RBFOX1: variants seen among roughly 807,000 people sequenced by gnomAD.
RBFOX1 encodes the protein RNA binding fox-1 homolog 1, also known as RNA binding protein fox-1 homolog 1.
In RBFOX1, 8 loss-of-function variants were observed where a neutral mutation model predicts 57.7. The observed-to-expected ratio is 0.14, with a 90% CI of 0.08 to 0.25. The LOEUF (loss-of-function observed/expected upper bound fraction) is 0.25, where lower values mean the gene tolerates loss of function less well. RBFOX1 is among the 10% of genes least tolerant of loss of function. The pLI is 1.00. For missense variants in RBFOX1, 611 were observed against 548.5 expected, an observed-to-expected ratio of 1.11 and a Z score of -1.14; for synonymous variants, 326 against 222.4, an observed-to-expected ratio of 1.47 and a Z score of -4.15.
At position 6,514,074 on chromosome 16, in the gene RBFOX1, A is replaced by G. The variant is rs1214199824; in HGVS notation, c.-63-140529A>G. Among the ~76,000 whole-genome samples the G allele has an allele frequency of 2.0e-5, 3 of 152,194 alleles. No homozygotes were observed. In the East Asian group the frequency reaches 5.8e-4, roughly 29 times the overall value. ...TGTGTTGCTCTGTAAGTCCGTAGCC[A>G]TTGGTCGTCAAGAATGAGCTTCCCT... On this transcript the variant is annotated intron_variant, in intron 2 of 15. Transcript: ENST00000550418.
At chr16:5,754,499 C>T (rs1490728986) in intron 3 of RBFOX1, among the ~76,000 whole-genome samples, 1 of 143,178 alleles carries the variant, frequency 7.0e-6, no homozygotes, top group Non-Finnish European at 1.5e-5. Flanking sequence ...AATAAGGGGA[C>T]CCGGGGAACC....
At chr16:6,041,605 G>T (rs372359531) in intron 1 of RBFOX1, among the ~76,000 whole-genome samples, 1 of 152,112 alleles carries the variant, frequency 6.6e-6, no homozygotes. Context: ...AAGTGGCAGA[G>T]CCAGGATGCA....
intron 3 of RBFOX1, chr16:6,773,998 G>T: frequency 4.1e-6 from 4 of 985,278 alleles, no homozygotes; most frequent in Non-Finnish European, 4.8e-6. Context: ...CCTGTAATTA[G>T]CTCCTCAGAG....
At chr16:6,508,448 C>T (rs1486295204) in intron 2 of RBFOX1, among the ~76,000 whole-genome samples, 1 of 151,882 alleles carries the variant, frequency 6.6e-6, no homozygotes, top group African/African-American at 2.4e-5. Flanking sequence ...GTTTTTTAAC[C>T]ACAGTAAAAA....
At chr16:7,594,511 T>G (rs889547400) in intron 7 of RBFOX1, among the ~76,000 whole-genome samples, 2 of 152,210 alleles carry the variant, frequency 1.3e-5, no homozygotes, top group African/African-American at 4.8e-5. Flanking sequence ...TGTGTCGTAT[T>G]TTCTGTACTT....
At chr16:5,547,531 A>G (rs1270396873) in intron 2 of RBFOX1, among the ~76,000 whole-genome samples, 2 of 152,198 alleles carry the variant, frequency 1.3e-5, no homozygotes, top group Non-Finnish European at 2.9e-5. Context: ...ATATAAGCCT[A>G]TTTATATGAA....
chr16:6,316,909 T>G (rs1417836999), intron 1 of RBFOX1, 86 bp from the exon 2 acceptor site: 3 of 1,058,080 alleles, frequency 2.8e-6, no homozygotes, highest in Non-Finnish European at 4.1e-6. Flanking sequence ...TGAAGGTTGG[T>G]CCATATTACT....
intron 1 of RBFOX1, among the ~76,000 whole-genome samples, chr16:6,109,435 C>G (rs1344104763): frequency 6.6e-6 from 1 of 152,152 alleles, no homozygotes; most frequent in Non-Finnish European, 1.5e-5. Context: ...AAAAGCCTTT[C>G]TTATCACCCC....
chr16:7,402,986 A>G (rs1349003574), intron 4 of RBFOX1, among the ~76,000 whole-genome samples: 1 of 152,162 alleles, frequency 6.6e-6, no homozygotes, highest in Non-Finnish European at 1.5e-5. Context: ...TCTGATCTTG[A>G]AGGAGGAGGT....
chr16:6,183,071 G>A (rs969934087), intron 1 of RBFOX1, among the ~76,000 whole-genome samples: 25 of 152,092 alleles, frequency 1.6e-4, no homozygotes, highest in African/African-American at 5.6e-4. Context: ...TAAATATATA[G>A]CATGAAGAAA....
chr16:5,314,913 A>T (rs2064193176), intron 1 of RBFOX1, among the ~76,000 whole-genome samples: 1 of 152,208 alleles, frequency 6.6e-6, no homozygotes, highest in African/African-American at 2.4e-5. Flanking sequence ...CAGACAAAAA[A>T]TACCGTTTTG....
At chr16:7,458,759 C>G (rs1356559946) in intron 4 of RBFOX1, among the ~76,000 whole-genome samples, 2 of 152,174 alleles carry the variant, frequency 1.3e-5, no homozygotes, top group East Asian at 3.9e-4. Context: ...ACCTCCTTGA[C>G]TCCTCCATTA....
intron 3 of RBFOX1, among the ~76,000 whole-genome samples, chr16:6,974,547 A>G (rs55678785): frequency 0.072 from 10,857 of 151,604 alleles, 455 homozygotes; most frequent in South Asian, 0.18. Flanking sequence ...GTTTCATCAT[A>G]TTGGCCAGGC....
At chr16:5,514,271 C>G (rs372121810) in intron 2 of RBFOX1, among the ~76,000 whole-genome samples, 6 of 152,290 alleles carry the variant, frequency 3.9e-5, no homozygotes, top group Non-Finnish European at 7.3e-5. Context: ...ATGGCCAGGG[C>G]AGTGTGGCTC....
At position 7,057,794 on chromosome 16, in the gene RBFOX1, G is replaced by C. The variant is rs553621128; in HGVS notation, c.27+5696G>C. Among the ~76,000 whole-genome samples, 33 of 152,244 alleles carry C rather than the reference G, an allele frequency of 2.2e-4. 1 individual carries two copies. The highest frequency in any genetic ancestry group is 1.8e-3 in the Admixed American group (28 of 15,300). Reference sequence around the variant, plus strand: ...AGGCCAAGGTGGGTGGATCACCTGAGATCAGGAGTTGGAGACTAGCCTAGC... The same window carrying C: ...AGGCCAAGGTGGGTGGATCACCTGACATCAGGAGTTGGAGACTAGCCTAGC... On this transcript the variant is annotated intron_variant, in intron 4 of 15. Transcript: ENST00000550418.
chr16:6,981,343 T>C (rs2088808407), intron 3 of RBFOX1, among the ~76,000 whole-genome samples: 4 of 152,102 alleles, frequency 2.6e-5, no homozygotes, highest in Admixed American at 1.3e-4. Context: ...ATTTAGCTCC[T>C]ACTTTACTTT....
At chr16:5,283,444 C>A (rs2063320225) in intron 1 of RBFOX1, among the ~76,000 whole-genome samples, 2 of 152,124 alleles carry the variant, frequency 1.3e-5, no homozygotes, top group Non-Finnish European at 2.9e-5. Flanking sequence ...CAATGCCAAC[C>A]AGTGAAAGGA....
chr16:5,294,439 C>A (rs1420053931), intron 1 of RBFOX1, among the ~76,000 whole-genome samples: 1 of 152,086 alleles, frequency 6.6e-6, no homozygotes, highest in African/African-American at 2.4e-5. Context: ...CTTTTCTAGC[C>A]TGCCTATGCC....
At chr16:7,363,365 G>C (rs1043415643) in intron 4 of RBFOX1, among the ~76,000 whole-genome samples, 5 of 152,140 alleles carry the variant, frequency 3.3e-5, no homozygotes, top group Non-Finnish European at 7.4e-5. Context: ...TTCTGTCCAA[G>C]GGGGTAAAAC....
Sources: gnomAD v4.1 joint callset for allele counts (sites outside exome capture counted in the v4.1 genomes callset) on GRCh38, gnomAD v4.1.1 for gene constraint, MANE v1.5 for transcripts, NCBI Gene and HGNC (gene_info 2026-07-23, HGNC 2026-07-21) for gene names.